The following NRXN3 variants were observed in gnomAD, a reference collection of about 807,000 sequenced individuals.
The protein encoded by NRXN3 is neurexin III.
A neutral mutation model predicts 137.6 loss-of-function variants in NRXN3; 32 were observed. The ratio of observed to expected loss-of-function variants is 0.23; its 90% confidence interval spans 0.18 to 0.31. NRXN3 has a LOEUF of 0.31. Ranked by LOEUF, NRXN3 falls within the 10% of genes least tolerant of loss-of-function variation. The pLI is 1.00. For synonymous variants in NRXN3, 798 were observed against 784.5 expected (o/e 1.02, Z -0.29); for missense variants, 1,574 against 2,062.5 (o/e 0.76, Z 4.59).
rs576920578 is a variant in NRXN3 at position 79,784,344 on chromosome 14, T to C, written c.4015-20768T>C. On this transcript the variant is annotated intron_variant, in intron 19 of 20. Coordinates refer to ENST00000335750, the MANE Select transcript of NRXN3 (RefSeq NM_001330195.2). ...GGGTTTTACCTTTTACCTCTGAAGA[T>C]TGAAGAAAGCAACTGAGTTGTTCAG... Among the ~76,000 whole-genome samples, 9 of 152,334 alleles carry C rather than the reference T, an allele frequency of 5.9e-5. No homozygotes were observed. The South Asian group carries it at 1.7e-3, about 28-fold the overall frequency.
At chr14:79,227,332 A>G (rs948445607) in intron 15 of NRXN3, among the ~76,000 whole-genome samples, 1 of 151,926 alleles carries the variant, frequency 6.6e-6, no homozygotes, top group Non-Finnish European at 1.5e-5. Flanking sequence ...TCGTGTTAAT[A>G]CTTCCCTACA....
chr14:79,291,067 A>G (rs1383853113), intron 15 of NRXN3, among the ~76,000 whole-genome samples: 2 of 152,148 alleles, frequency 1.3e-5, no homozygotes, highest in Non-Finnish European at 2.9e-5. Context: ...CCAAAGTTTT[A>G]TTGTTTATTT....
chr14:78,981,194 A>G (rs1322394333), intron 14 of NRXN3, among the ~76,000 whole-genome samples: 1 of 152,200 alleles, frequency 6.6e-6, no homozygotes, highest in Non-Finnish European at 1.5e-5. Context: ...ACAAAATGAG[A>G]TCTTCCTGTT....
intron 15 of NRXN3, among the ~76,000 whole-genome samples, chr14:79,192,203 A>G (rs1054571168): frequency 1.3e-5 from 2 of 152,214 alleles, no homozygotes; most frequent in African/African-American, 4.8e-5. Context: ...TACTTGCTGT[A>G]TAACTTCTCC....
In NRXN3 at chr14:79,739,648, C is replaced by CAAAAAAAAAAAAA. The variant is rs72347811; in HGVS notation, c.4014+41728_4014+41740dup. Among the ~76,000 whole-genome samples the CAAAAAAAAAAAAA allele has an allele frequency of 4.1e-4, 13 of 31,822 alleles. 3 individuals are homozygous for CAAAAAAAAAAAAA. Among genetic ancestry groups the CAAAAAAAAAAAAA allele is most frequent in the Non-Finnish European group, 7.1e-4 (13 of 18,270 alleles). 20.9% of individuals were successfully genotyped at this position (31,822 alleles called of 152,430 possible). A position where few individuals can be genotyped will look rare whatever the true frequency, so the allele number is the denominator to read the frequency against. Reference sequence around the variant, plus strand: ...TGGGTGACAGAACGAGACTCTGCCTCAAAAAAAAAAAAAAAAAAAAAAAAA... The same window carrying CAAAAAAAAAAAAA: ...TGGGTGACAGAACGAGACTCTGCCTCAAAAAAAAAAAAAAAAAAAAAAAAAAAAAAAAAAAAAA... On this transcript the variant is annotated intron_variant, in intron 19 of 20. Transcript: ENST00000335750.
At chr14:78,927,511 G>A (rs1331472001) in intron 10 of NRXN3, among the ~76,000 whole-genome samples, 4 of 152,156 alleles carry the variant, frequency 2.6e-5, no homozygotes, top group Non-Finnish European at 5.9e-5. Flanking sequence ...CTGAAACAGC[G>A]CTGGCAGCTT....
chr14:79,564,420 G>C (rs144072436), intron 16 of NRXN3, among the ~76,000 whole-genome samples: 1 of 152,180 alleles, frequency 6.6e-6, no homozygotes, highest in African/African-American at 2.4e-5. Flanking sequence ...CCCAAGGTAG[G>C]GTTTCAACAA....
intron 3 of NRXN3, among the ~76,000 whole-genome samples, chr14:78,281,230 G>C (rs1285192304): frequency 6.6e-6 from 1 of 152,174 alleles, no homozygotes; most frequent in East Asian, 1.9e-4. Context: ...CTGCCTCTCT[G>C]AGCCCCTTGC....
intron 10 of NRXN3, among the ~76,000 whole-genome samples, chr14:78,896,747 A>G (rs2099176575): frequency 6.6e-6 from 1 of 151,984 alleles, no homozygotes; most frequent in African/African-American, 2.4e-5. Flanking sequence ...ATGTTTATCA[A>G]TAAGTTGGAA....
chr14:78,932,834 A>G (rs970214848), intron 10 of NRXN3, among the ~76,000 whole-genome samples: 1 of 152,212 alleles, frequency 6.6e-6, no homozygotes, highest in African/African-American at 2.4e-5. Flanking sequence ...AATGAAGTAG[A>G]ACCCTGTATA....
chr14:79,285,784 T>A (rs1055543738), intron 15 of NRXN3, among the ~76,000 whole-genome samples: 3 of 152,152 alleles, frequency 2.0e-5, no homozygotes, highest in Non-Finnish European at 4.4e-5. Flanking sequence ...GTACCAGGAA[T>A]AAAGCTTTGA....
At chr14:79,220,521 T>A (rs1036364993) in intron 15 of NRXN3, among the ~76,000 whole-genome samples, 1 of 152,146 alleles carries the variant, frequency 6.6e-6, no homozygotes, top group Non-Finnish European at 1.5e-5. Flanking sequence ...ATTATCTTCA[T>A]GTGTCACCAT....
At chr14:78,216,381 A>C (rs2063283622) in intron 1 of NRXN3, among the ~76,000 whole-genome samples, 1 of 152,180 alleles carries the variant, frequency 6.6e-6, no homozygotes, top group South Asian at 2.1e-4. Context: ...TCCATTGCTC[A>C]GATGAGTAAA....
chr14:79,074,094 A>G (rs769481217), intron 15 of NRXN3, among the ~76,000 whole-genome samples: 1 of 152,204 alleles, frequency 6.6e-6, no homozygotes, highest in Non-Finnish European at 1.5e-5. Flanking sequence ...GTACACAATG[A>G]ATATTATTAG....
chr14:78,430,026 A>G (rs1293109537), intron 4 of NRXN3, among the ~76,000 whole-genome samples: 2 of 152,130 alleles, frequency 1.3e-5, no homozygotes, highest in African/African-American at 4.8e-5. Context: ...TTGAGGCCAG[A>G]TGTTTGAGAG....
chr14:78,323,215 C>T (rs1266208398), intron 4 of NRXN3, among the ~76,000 whole-genome samples: 2 of 151,942 alleles, frequency 1.3e-5, no homozygotes, highest in Non-Finnish European at 2.9e-5. Flanking sequence ...GTATTACTTT[C>T]ATTTTTGTGG....
chr14:78,921,427 T>A (rs2099270672), intron 10 of NRXN3, among the ~76,000 whole-genome samples: 1 of 151,976 alleles, frequency 6.6e-6, no homozygotes, highest in Admixed American at 6.6e-5. Context: ...ACAGAAACAC[T>A]TACCTCCATA....
intron 4 of NRXN3, among the ~76,000 whole-genome samples, chr14:78,332,425 C>T (rs891247586): frequency 1.3e-5 from 2 of 151,598 alleles, no homozygotes; most frequent in African/African-American, 4.8e-5. Flanking sequence ...AAGCAATTCT[C>T]CTGCCTCAGC....
intron 4 of NRXN3, among the ~76,000 whole-genome samples, chr14:78,533,942 A>G (rs2096503000): frequency 6.6e-6 from 1 of 152,192 alleles, no homozygotes; most frequent in Non-Finnish European, 1.5e-5. Flanking sequence ...GGTTCTTGAC[A>G]CACATGAGCT....
Sources: allele counts gnomAD v4.1 joint callset (sites outside exome capture counted in the v4.1 genomes callset), GRCh38; gene constraint gnomAD v4.1.1; transcripts MANE v1.5; gene names NCBI Gene and HGNC (gene_info 2026-07-23, HGNC 2026-07-21).